The following CPZ variants were observed in gnomAD, a reference collection of about 807,000 sequenced individuals.
The protein encoded by CPZ is carboxypeptidase Z.
CPZ carries 103 observed loss-of-function variants against 61.8 expected under a neutral mutation model. The observed-to-expected ratio is 1.67, with a 90% CI of 1.42 to 1.96. The LOEUF is 1.96. CPZ is among the 30% of genes most tolerant of loss of function. CPZ has a pLI of 0.00. For synonymous variants in CPZ, 551 were observed against 373.7 expected, an observed-to-expected ratio of 1.47 and a Z score of -5.47; for missense variants, 1,461 against 914.9, an observed-to-expected ratio of 1.60 and a Z score of -7.70.
chr4:8,601,813 A>G (rs1305255267), intron 3 of CPZ, among the ~76,000 whole-genome samples: 27 of 152,246 alleles, frequency 1.8e-4, no homozygotes, highest in African/African-American at 6.3e-4. Context: ...GGGTGCAGTG[A>G]GCAGGCCTCG....
chr4:8,613,679 G>T lies in CPZ; in HGVS notation c.1364-680G>T, dbSNP rs377114455. 3.3e-5 allele frequency among the ~76,000 whole-genome samples: 5 copies of T among 152,334 alleles called. No individual in the cohort carries two copies. The South Asian group carries it at 8.3e-4, about 25-fold the overall frequency. ...CTTGGAGATGGTCATGGCTTCTGCT[G>T]AACAAGAAGCTCCAAGAGCAGATGG... is the stretch of plus-strand genomic sequence containing the variant. On this transcript the variant is annotated intron_variant, in intron 8 of 10. Transcript: ENST00000360986.
At chr4:8,611,711 T>C (rs1421313926) in intron 7 of CPZ, among the ~76,000 whole-genome samples, 1 of 152,104 alleles carries the variant, frequency 6.6e-6, no homozygotes, top group East Asian at 1.9e-4. Context: ...GTGGACACCA[T>C]GTCTGTGTGT....
At chr4:8,612,700 G>A (rs1227412887) in intron 8 of CPZ, among the ~76,000 whole-genome samples, 2 of 152,134 alleles carry the variant, frequency 1.3e-5, no homozygotes, top group Non-Finnish European at 2.9e-5. Flanking sequence ...AATATAATGG[G>A]CATATGCCAC....
At chr4:8,616,459 G>T (rs1349833038) in intron 9 of CPZ, among the ~76,000 whole-genome samples, 2 of 152,170 alleles carry the variant, frequency 1.3e-5, no homozygotes, top group African/African-American at 4.8e-5. Flanking sequence ...CTCTCGGGTG[G>T]GGCTAGGGGA....
At chr4:8,614,322 T>C (rs1407634650) in intron 8 of CPZ, 37 bp from the exon 9 acceptor site, 1 of 1,592,810 alleles carries the variant, frequency 6.3e-7, no homozygotes, top group Non-Finnish European at 8.5e-7. Context: ...TCTGTGCGGC[T>C]GACACCCCTG....
At position 8,618,463 on chromosome 4, in the gene CPZ, A is replaced by G; in HGVS notation, c.1538A>G (p.Lys513Arg). 1 of 1,614,188 alleles carries G rather than the reference A, an allele frequency of 6.2e-7. No individual in the cohort carries two copies. Residue 513 changes from lysine (K) to arginine (R), a missense_variant, in exon 10 of 11, where the codon AAA becomes AGA. By Grantham distance (26) the Lys-to-Arg change is conservative. Coordinates refer to ENST00000360986, the MANE Select transcript of CPZ (RefSeq NM_001014447.3). ...HRGIKGVVTD[K>R]FGKPVKNARI... The stretch of plus-strand genomic sequence containing the variant: ...GGCATCAAAGGTGTGGTGACAGATA[A>G]ATTCGGCAAGCCAGTCAAAAACGCC...
At chr4:8,602,772 C>T (rs80246748) in intron 3 of CPZ, 21,049 of 152,486 alleles carry the variant, frequency 0.14, 1,903 homozygotes, top group Non-Finnish European at 0.2. Flanking sequence ...AGACAAACAC[C>T]CGGGCCGGGC....
intron 3 of CPZ, 108 bp from the exon 4 acceptor site, chr4:8,603,868 G>T: frequency 1.1e-6 from 1 of 913,426 alleles, no homozygotes; most frequent in Non-Finnish European, 1.7e-6. Flanking sequence ...TCCAAGCATG[G>T]CTGTCGTGCA....
rs955652963 is a variant in CPZ at position 8,619,316 on chromosome 4, C to T, written c.1658C>T (p.Ala553Val). Residue 553 changes from alanine to valine, a missense_variant, in exon 11 of 11, where the codon GCC becomes GTC. Physicochemically the swap from Ala to Val is moderately conservative, Grantham distance 64. Transcript: ENST00000360986. The part of the protein sequence containing the change: ...LLPPGIHIVI[A>V]QAPGYAKVIK... Reference sequence around the variant, plus strand: ...CCCCCAGGTATCCACATTGTCATTGCCCAAGCCCCTGGCTACGCCAAAGTC... The same window carrying T: ...CCCCCAGGTATCCACATTGTCATTGTCCAAGCCCCTGGCTACGCCAAAGTC... 21 of 1,614,000 alleles carry T rather than the reference C, an allele frequency of 1.3e-5. No individual in the cohort carries two copies. Among genetic ancestry groups the T allele is most frequent in the Non-Finnish European group, 1.7e-5 (20 of 1,179,946 alleles).
intron 9 of CPZ, 142 bp downstream of exon 9, chr4:8,614,640 T>C (rs1418358781): frequency 1.8e-5 from 15 of 847,114 alleles, no homozygotes; most frequent in Non-Finnish European, 2.7e-5. Flanking sequence ...TGGGGTTAAC[T>C]GTCCACCATG....
At chr4:8,601,027 GC>G in intron 2 of CPZ, 95 bp from the exon 3 acceptor site, 1 of 1,453,164 alleles carries the variant, frequency 6.9e-7, no homozygotes, top group Non-Finnish European at 9.1e-7. Flanking sequence ...CTCCCTGCAG[GC>G]CCTGGCCCTG....
At chr4:8,601,588 T>A (rs1383047780) in intron 3 of CPZ, 91 bp downstream of exon 3, 1 of 1,309,458 alleles carries the variant, frequency 7.6e-7, no homozygotes, top group East Asian at 2.6e-5. Context: ...TGAGGGCTTT[T>A]CCATCGACAG....
rs766936569 is a variant in CPZ at position 8,601,393 on chromosome 4, C to T, written c.392C>T (p.Pro131Leu). The T allele has an allele frequency of 8.2e-6, 13 of 1,593,254 alleles. 1 individual carries two copies. In the East Asian group the frequency reaches 2.5e-4, roughly 31 times the overall value. Residue 131 changes from proline to leucine, a missense_variant, in exon 3 of 11, where the codon CCC (proline) becomes CTC (leucine). By Grantham distance (98) the Pro-to-Leu change is moderately conservative. Transcript: ENST00000360986. Reference protein sequence around the residue: ...ICEGLREVCQPAFDAIDMAWP... With the variant: ...ICEGLREVCQLAFDAIDMAWP... ...GAGGGCCTGCGGGAGGTCTGCCAGC[C>T]CGCCTTCGACGCCATTGACATGGCC...
At chr4:8,618,589 G>C in intron 10 of CPZ, 61 bp downstream of exon 10, 1 of 1,514,244 alleles carries the variant, frequency 6.6e-7, no homozygotes, top group Non-Finnish European at 9.0e-7. Context: ...CCACACCGTG[G>C]CAGCCGGCAC....
intron 1 of CPZ, among the ~76,000 whole-genome samples, chr4:8,599,197 G>C (rs76141577): frequency 0.017 from 2,547 of 152,350 alleles, 66 homozygotes; most frequent in African/African-American, 0.057. Context: ...GAGCCAGATG[G>C]ATGCCACTGA....
At chr4:8,614,850 G>T (rs556687239) in intron 9 of CPZ, among the ~76,000 whole-genome samples, 34 of 152,064 alleles carry the variant, frequency 2.2e-4, no homozygotes, top group African/African-American at 7.5e-4. Context: ...GGAGGAGGCA[G>T]CCGCAGGGCT....
intron 7 of CPZ, 120 bp from the exon 8 acceptor site, chr4:8,611,907 T>G (rs1715730439): frequency 1.4e-6 from 2 of 1,391,174 alleles, no homozygotes; most frequent in Non-Finnish European, 2.0e-6. Flanking sequence ...GCAGACACCA[T>G]TCCCCTCTCC....
At chr4:8,599,024 G>T (rs146108233) in intron 1 of CPZ, among the ~76,000 whole-genome samples, 26 of 152,346 alleles carry the variant, frequency 1.7e-4, no homozygotes, top group Non-Finnish European at 3.7e-4. Flanking sequence ...GGGGCTGACA[G>T]TTAAAACTTT....
intron 3 of CPZ, chr4:8,601,938 A>C: frequency 2.5e-5 from 4 of 157,464 alleles, no homozygotes; most frequent in Non-Finnish European, 4.2e-5. Context: ...GGGCATTTAC[A>C]TCCCCCGGGA....
Sources: allele counts gnomAD v4.1 joint callset (sites outside exome capture counted in the v4.1 genomes callset), GRCh38; gene constraint gnomAD v4.1.1; transcripts MANE v1.5; gene names NCBI Gene and HGNC (gene_info 2026-07-23, HGNC 2026-07-21).